The following MOB3A variants were observed in gnomAD, a reference collection of about 807,000 sequenced individuals.
MOB3A encodes the protein MOB LAK.
MOB3A carries 17 observed loss-of-function variants against 17.8 expected under a neutral mutation model. The ratio of observed to expected loss-of-function variants is 0.95; its 90% CI spans 0.65 to 1.43. The LOEUF (loss-of-function observed/expected upper bound fraction) is 1.43, where lower values mean the gene tolerates loss of function less well. MOB3A is among the 40% of genes most tolerant of loss of function. MOB3A has a pLI of 0.00. For synonymous variants in MOB3A, 124 were observed against 133.2 expected, an observed-to-expected ratio of 0.93 and a Z score of 0.48; for missense variants, 333 against 310.8, an observed-to-expected ratio of 1.07 and a Z score of -0.54.
chr19:2,079,741 C>G (rs2017462635), intron 2 of MOB3A, among the ~76,000 whole-genome samples: 1 of 152,224 alleles, frequency 6.6e-6, no homozygotes, highest in African/African-American at 2.4e-5. Context: ...TTGGGTGACC[C>G]CTCTTCCCTT....
chr19:2,081,322 TC>T (rs1210224465), intron 2 of MOB3A, among the ~76,000 whole-genome samples: 4 of 151,810 alleles, frequency 2.6e-5, no homozygotes, highest in Non-Finnish European at 4.4e-5. Flanking sequence ...GCGTGGTGGC[TC>T]ACGCCTGTAA....
At chr19:2,073,941 G>T (rs2017371854) in intron 4 of MOB3A, among the ~76,000 whole-genome samples, 1 of 152,106 alleles carries the variant, frequency 6.6e-6, no homozygotes, top group Non-Finnish European at 1.5e-5. Context: ...TGAGGGAGGA[G>T]AATCGCTTGA....
At chr19:2,085,107 A>G (rs1455853475) in intron 2 of MOB3A, 68 bp downstream of exon 2, 1 of 152,130 alleles carries the variant, frequency 6.6e-6, no homozygotes, top group African/African-American at 2.4e-5. Flanking sequence ...TTTTCCAAAG[A>G]AAGGCCGGGG....
chr19:2,089,119 C>G (rs930798657), intron 1 of MOB3A, among the ~76,000 whole-genome samples: 44 of 152,178 alleles, frequency 2.9e-4, no homozygotes, highest in Admixed American at 1.3e-3. Context: ...AGCGAATGCT[C>G]TCATTCCTGC....
At chr19:2,094,097 A>G (rs1599414433) in intron 1 of MOB3A, among the ~76,000 whole-genome samples, 6 of 128,810 alleles carry the variant, frequency 4.7e-5, no homozygotes. Flanking sequence ...CCCAGGCTGG[A>G]GTGCAGTGGT....
chr19:2,081,461 G>A (rs563679131), intron 2 of MOB3A, among the ~76,000 whole-genome samples: 14 of 152,198 alleles, frequency 9.2e-5, no homozygotes, highest in East Asian at 1.9e-4. Context: ...GGTGGCGGGC[G>A]CCTGTAATCC....
chr19:2,072,039 T>C lies in MOB3A; in HGVS notation c.*1356A>G, dbSNP rs8102231. ...CTAAAATACAAAAAAATTAGCCGGG[T>C]GTGACGGTGGGTGCCTGTAGTCCCA... On this transcript the variant is annotated 3_prime_UTR_variant, in exon 5 of 5. Transcript: ENST00000357066. The C allele has an allele frequency of 0.49, 74,422 of 151,790 alleles. 19,118 individuals are homozygous for C. The highest frequency in any genetic ancestry group is 0.66 in the African/African-American group (27,217 of 41,394). The allele number at this position is 151,790 out of a possible 1,614,324, so 9.4% of individuals were successfully genotyped here. A position where few individuals can be genotyped will look rare whatever the true frequency, so the allele number is the denominator to read the frequency against.
At chr19:2,073,512 G>A (rs2017366401) in intron 4 of MOB3A, 88 bp from the exon 5 acceptor site, 3 of 1,570,126 alleles carry the variant, frequency 1.9e-6, no homozygotes, top group Non-Finnish European at 2.6e-6. Flanking sequence ...CGCACAGGCA[G>A]AGAAACGGCA....
intron 4 of MOB3A, among the ~76,000 whole-genome samples, chr19:2,074,250 A>G (rs1367298906): frequency 2.2e-5 from 3 of 136,796 alleles, no homozygotes; most frequent in Non-Finnish European, 4.8e-5. Flanking sequence ...CTGAGATCAA[A>G]CAAACAAACA....
rs907774162 is a variant in MOB3A at position 2,071,194 on chromosome 19, G to A, written c.*2201C>T. On this transcript the variant is annotated 3_prime_UTR_variant, in exon 5 of 5. Coordinates refer to ENST00000357066, the MANE Select transcript of MOB3A (RefSeq NM_130807.3). ...GTGGCCGGGCTGCTGGAGACATCCCGAGCCCTGGGGGAGACAGAGGTGTGG... is the reference window on the plus strand; with the variant it reads ...GTGGCCGGGCTGCTGGAGACATCCCAAGCCCTGGGGGAGACAGAGGTGTGG... 1 of 152,158 alleles carries A rather than the reference G, an allele frequency of 6.6e-6. No individual in the cohort carries two copies. The highest frequency in any genetic ancestry group is 1.9e-4 in the East Asian group (1 of 5,192). The allele number at this position is 152,158 out of a possible 1,614,324, so 9.4% of individuals were successfully genotyped here. A position where few individuals can be genotyped will look rare whatever the true frequency, so the allele number is the denominator to read the frequency against.
At chr19:2,079,237 C>G (rs1403735697) in intron 2 of MOB3A, among the ~76,000 whole-genome samples, 1 of 152,240 alleles carries the variant, frequency 6.6e-6, no homozygotes, top group Non-Finnish European at 1.5e-5. Flanking sequence ...GATGCCTGGC[C>G]CGGACCTAGA....
chr19:2,094,220 T>C (rs2017644556), intron 1 of MOB3A, among the ~76,000 whole-genome samples: 2 of 151,976 alleles, frequency 1.3e-5, no homozygotes, highest in South Asian at 4.1e-4. Context: ...CTAATTTTTT[T>C]GTCTTTTTAG....
chr19:2,095,484 C>A (rs914428989), intron 1 of MOB3A, among the ~76,000 whole-genome samples: 1 of 152,238 alleles, frequency 6.6e-6, no homozygotes, highest in African/African-American at 2.4e-5. Flanking sequence ...GCCCGACCGC[C>A]GCGTTGGCTT....
intron 1 of MOB3A, among the ~76,000 whole-genome samples, chr19:2,090,516 C>T (rs897127332): frequency 2.0e-5 from 3 of 152,106 alleles, no homozygotes; most frequent in African/African-American, 7.2e-5. Context: ...CAGCACCCTG[C>T]AGTGCCCAGG....
intron 2 of MOB3A, among the ~76,000 whole-genome samples, chr19:2,084,795 T>C (rs1012787952): frequency 1.3e-5 from 2 of 152,068 alleles, no homozygotes; most frequent in Non-Finnish European, 2.9e-5. Context: ...TTCACCATGC[T>C]GGCCAGGCTG....
At chr19:2,084,471 G>A (rs1412669183) in intron 2 of MOB3A, among the ~76,000 whole-genome samples, 2 of 151,800 alleles carry the variant, frequency 1.3e-5, no homozygotes, top group Non-Finnish European at 2.9e-5. Context: ...CTCCAGCCCT[G>A]GTGACAGAGT....
intron 1 of MOB3A, among the ~76,000 whole-genome samples, chr19:2,092,423 CT>C (rs2017624478): frequency 6.6e-6 from 1 of 152,028 alleles, no homozygotes; most frequent in Non-Finnish European, 1.5e-5. Flanking sequence ...TTGTGGTAAA[CT>C]GACATACTTT....
chr19:2,075,725 C>CA (rs2017396437), intron 4 of MOB3A, among the ~76,000 whole-genome samples: 1 of 152,142 alleles, frequency 6.6e-6, no homozygotes, highest in Non-Finnish European at 1.5e-5. Flanking sequence ...GTGGACCCCA[C>CA]ACCGAGGAAT....
intron 2 of MOB3A, among the ~76,000 whole-genome samples, chr19:2,081,726 A>G (rs1233040156): frequency 6.6e-6 from 1 of 152,074 alleles, no homozygotes; most frequent in Non-Finnish European, 1.5e-5. Context: ...TCTACTAAAA[A>G]TACAAAAATT....
Sources: allele counts gnomAD v4.1 joint callset (sites outside exome capture counted in the v4.1 genomes callset), GRCh38; gene constraint gnomAD v4.1.1; transcripts MANE v1.5; gene names NCBI Gene and HGNC (gene_info 2026-07-23, HGNC 2026-07-21).